The following ANKRD55 variants were observed in gnomAD, a reference collection of about 807,000 sequenced individuals.
The protein encoded by ANKRD55 is ankyrin repeat domain 55, also known as ankyrin repeat domain-containing protein 55.
ANKRD55 carries 41 observed loss-of-function variants against 60.6 expected under a neutral mutation model. The ratio of observed to expected loss-of-function variants is 0.68; its 90% CI spans 0.53 to 0.88. The LOEUF (loss-of-function observed/expected upper bound fraction) is 0.88, where lower values mean the gene tolerates loss of function less well. ANKRD55 is among the 40% of genes least tolerant of loss of function. ANKRD55 has a pLI of 0.00. For missense variants in ANKRD55, 732 were observed against 767.6 expected (o/e 0.95, Z 0.55); for synonymous variants, 264 against 290.3 (o/e 0.91, Z 0.92).
chr5:56,194,764 G>T (rs541273928), intron 2 of ANKRD55, among the ~76,000 whole-genome samples: 1 of 152,240 alleles, frequency 6.6e-6, no homozygotes, highest in South Asian at 2.1e-4. Context: ...TTAATTATGG[G>T]TGACTAATAA....
intron 8 of ANKRD55, among the ~76,000 whole-genome samples, chr5:56,121,845 T>A (rs1196005015): frequency 6.6e-6 from 1 of 152,144 alleles, no homozygotes; most frequent in African/African-American, 2.4e-5. Flanking sequence ...TAATTCTGGG[T>A]AGAATTAGAC....
chr5:56,164,136 AT>A (rs1021082885), intron 5 of ANKRD55, among the ~76,000 whole-genome samples: 5 of 152,148 alleles, frequency 3.3e-5, no homozygotes, highest in African/African-American at 7.2e-5. Flanking sequence ...AAAATGATTA[AT>A]TTTTTAATAG....
intron 2 of ANKRD55, among the ~76,000 whole-genome samples, chr5:56,196,593 C>T (rs1307037077): frequency 6.6e-6 from 1 of 152,136 alleles, no homozygotes; most frequent in Non-Finnish European, 1.5e-5. Flanking sequence ...TATATTCAAA[C>T]CGTGTGTGTT....
chr5:56,229,110 T>TTC (rs397798027), intron 2 of ANKRD55, among the ~76,000 whole-genome samples: 3,690 of 148,840 alleles, frequency 0.025, 49 homozygotes, highest in Middle Eastern at 0.046. Context: ...TTTTTTTTTT[T>TTC]CCCTGTTTTC....
chr5:56,165,875 G>C (rs1758435090), intron 5 of ANKRD55, among the ~76,000 whole-genome samples: 1 of 152,122 alleles, frequency 6.6e-6, no homozygotes, highest in African/African-American at 2.4e-5. Flanking sequence ...TTTGTGGTAA[G>C]CCAAGATTAC....
chr5:56,105,098 T>A (rs1406729091), intron 10 of ANKRD55, among the ~76,000 whole-genome samples: 1 of 151,298 alleles, frequency 6.6e-6, no homozygotes, highest in Non-Finnish European at 1.5e-5. Flanking sequence ...TTTTTTTTTT[T>A]TTTTTGGAGA....
At chr5:56,170,571 A>G (rs1758587113) in intron 5 of ANKRD55, 123 bp downstream of exon 5, 1 of 193,980 alleles carries the variant, frequency 5.2e-6, no homozygotes, top group Non-Finnish European at 8.5e-6. Context: ...CTGCAACTTC[A>G]AAAAAAAAAA....
chr5:56,168,935 C>T (rs1758546500), intron 5 of ANKRD55, among the ~76,000 whole-genome samples: 2 of 152,250 alleles, frequency 1.3e-5, no homozygotes, highest in Non-Finnish European at 2.9e-5. Context: ...CAGCTCACTG[C>T]AACCTCCGCC....
At position 56,137,160 on chromosome 5, in the gene ANKRD55, C is replaced by T. The variant is rs966807814; in HGVS notation, c.612+6641G>A. On this transcript the variant is annotated intron_variant, in intron 7 of 11. Transcript: ENST00000341048. ...ACAGAAACAGTGTGTACCATTGTGA[C>T]GTTACAGTGGTGGAGTTGGCAAGTG... 19 of 1,491,786 alleles carry T rather than the reference C, an allele frequency of 1.3e-5. No individual in the cohort carries two copies. The Middle Eastern group carries it at 8.8e-4, about 69-fold the overall frequency. 92.4% of individuals were successfully genotyped at this position (1,491,786 alleles called of 1,614,324 possible).
intron 8 of ANKRD55, among the ~76,000 whole-genome samples, chr5:56,120,229 G>GT (rs1757001954): frequency 6.6e-6 from 1 of 152,068 alleles, no homozygotes; most frequent in Non-Finnish European, 1.5e-5. Flanking sequence ...TAGAGACAGG[G>GT]TTTCATCATG....
chr5:56,200,989 G>A (rs1391937166), intron 2 of ANKRD55, among the ~76,000 whole-genome samples: 2 of 152,174 alleles, frequency 1.3e-5, no homozygotes, highest in Non-Finnish European at 2.9e-5. Flanking sequence ...CCATATGCTA[G>A]TAAAATTGTA....
At chr5:56,193,628 G>A in intron 2 of ANKRD55, 1 of 297,266 alleles carries the variant, frequency 3.4e-6, no homozygotes, top group South Asian at 4.7e-5. Flanking sequence ...GTGAAGTCAG[G>A]AAACCCTTGA....
intron 2 of ANKRD55, among the ~76,000 whole-genome samples, chr5:56,212,984 A>C (rs892992746): frequency 1.3e-5 from 2 of 152,246 alleles, no homozygotes; most frequent in African/African-American, 2.4e-5. Context: ...AAATATCATA[A>C]TTTAAATGAG....
intron 5 of ANKRD55, among the ~76,000 whole-genome samples, chr5:56,165,130 G>T (rs1380702687): frequency 6.6e-6 from 1 of 152,202 alleles, no homozygotes; most frequent in African/African-American, 2.4e-5. Flanking sequence ...AGTGTTAGCA[G>T]ATTTTAAATC....
intron 5 of ANKRD55, among the ~76,000 whole-genome samples, chr5:56,160,269 C>T (rs996231444): frequency 3.9e-5 from 6 of 152,186 alleles, no homozygotes; most frequent in Admixed American, 6.5e-5. Context: ...GATGGAGTCT[C>T]GCTCTGTTGC....
At chr5:56,159,153 CCATCTTACACGAGAGAG>C (rs964675351) in intron 6 of ANKRD55, among the ~76,000 whole-genome samples, 7 of 152,210 alleles carry the variant, frequency 4.6e-5, no homozygotes, top group African/African-American at 1.7e-4. Context: ...CACCTCTCTG[CCATCTTACACGAGAGAG>C]CATGTCTTAG....
chr5:56,227,904 T>C (rs922177967), intron 2 of ANKRD55, among the ~76,000 whole-genome samples: 3 of 152,284 alleles, frequency 2.0e-5, no homozygotes, highest in Middle Eastern at 3.4e-3. Flanking sequence ...TCAATATGTA[T>C]CCATGTAAAG....
rs1554040776 is a variant in ANKRD55 at position 56,166,086 on chromosome 5, T to TTTCTTTC, written c.422+4607_422+4608insGAAAGAA. The stretch of plus-strand genomic sequence containing the variant: ...CACCCTTCAGGGATCTTTCTTTTCT[T>TTTCTTTC]TTTCTTTCTTTCTTTCTTTCTTTCT... On this transcript the variant is annotated intron_variant, in intron 5 of 11. Transcript: ENST00000341048. Among the ~76,000 whole-genome samples the TTTCTTTC allele has an allele frequency of 6.1e-3, 560 of 91,860 alleles. 56 individuals carry two copies. Among genetic ancestry groups the TTTCTTTC allele is most frequent in the East Asian group, 0.014 (41 of 2,930 alleles). The allele number at this position is 91,860 out of a possible 152,430, so 60.3% of individuals were successfully genotyped here.
chr5:56,173,904 T>G (rs1758679853), intron 4 of ANKRD55, among the ~76,000 whole-genome samples: 1 of 152,150 alleles, frequency 6.6e-6, no homozygotes, highest in Non-Finnish European at 1.5e-5. Context: ...TTTTGTATAC[T>G]GAGTTCAGAG....
Sources: allele counts gnomAD v4.1 joint callset (sites outside exome capture counted in the v4.1 genomes callset), GRCh38; gene constraint gnomAD v4.1.1; transcripts MANE v1.5; gene names NCBI Gene and HGNC (gene_info 2026-07-23, HGNC 2026-07-21).